The following NT5DC1 variants were observed in gnomAD, a reference collection of about 807,000 sequenced individuals.
The protein encoded by NT5DC1 is 5'-nucleotidase domain containing 1, also known as 5'-nucleotidase domain-containing protein 1.
Under a neutral mutation model 59.4 loss-of-function variants are expected in NT5DC1, and 42 were observed. The observed-to-expected ratio is 0.71, with a 90% CI of 0.55 to 0.92. The LOEUF (loss-of-function observed/expected upper bound fraction) is 0.92. NT5DC1 is among the 40% of genes least tolerant of loss of function. The probability of loss-of-function intolerance (pLI) is 0.00; values close to 1 mark genes in which losing one functional copy is unlikely to be tolerated. For synonymous variants in NT5DC1, 172 were observed against 188.1 expected (o/e 0.91, Z 0.70); for missense variants, 501 against 537.1 (o/e 0.93, Z 0.66).
chr6:116,110,372 T>G (rs1434250724), intron 3 of NT5DC1, among the ~76,000 whole-genome samples: 2 of 152,184 alleles, frequency 1.3e-5, no homozygotes, highest in African/African-American at 4.8e-5. Context: ...CATCTTGTCT[T>G]CACAGTCCTG....
chr6:116,168,948 A>G (rs1780543798), intron 6 of NT5DC1, among the ~76,000 whole-genome samples: 1 of 152,180 alleles, frequency 6.6e-6, no homozygotes, highest in African/African-American at 2.4e-5. Flanking sequence ...TTCTTTCTGT[A>G]GTATAGCCTT....
intron 11 of NT5DC1, among the ~76,000 whole-genome samples, chr6:116,242,744 C>T (rs781027051): frequency 7.2e-5 from 11 of 152,128 alleles, no homozygotes; most frequent in African/African-American, 1.7e-4. Context: ...ATATGCTTTC[C>T]GCTTGGATTC....
chr6:116,168,934 G>A (rs575238128), intron 6 of NT5DC1, among the ~76,000 whole-genome samples: 10 of 152,252 alleles, frequency 6.6e-5, no homozygotes, highest in East Asian at 3.9e-4. Context: ...TATCTGGTTC[G>A]TACTTCTTTC....
In NT5DC1 at chr6:116,150,804, T is replaced by C. The variant is rs376886606; in HGVS notation, c.529+32859T>C. ...TGAAGGTAAGGAAGCTGGAGAACCT[T>C]GGAGTCTTATATATCTAGTGAATAT... On this transcript the variant is annotated intron_variant, in intron 6 of 11. Transcript: ENST00000319550. Among the ~76,000 whole-genome samples the C allele has an allele frequency of 1.6e-4, 25 of 152,314 alleles. 1 individual carries two copies. In the South Asian group the frequency reaches 5.0e-3, roughly 30 times the overall value.
At chr6:116,150,970 T>C (rs1780023080) in intron 6 of NT5DC1, among the ~76,000 whole-genome samples, 1 of 152,244 alleles carries the variant, frequency 6.6e-6, no homozygotes, top group Non-Finnish European at 1.5e-5. Context: ...GTATATTTTA[T>C]GATTTTTTGA....
intron 6 of NT5DC1, among the ~76,000 whole-genome samples, chr6:116,206,005 G>A (rs896917509): frequency 2.2e-4 from 34 of 152,048 alleles, no homozygotes; most frequent in African/African-American, 7.9e-4. Context: ...TGATCTAATA[G>A]ACCATTGGAC....
At chr6:116,119,918 CA>C (rs1041404771) in intron 6 of NT5DC1, 1 of 726,532 alleles carries the variant, frequency 1.4e-6, no homozygotes, top group East Asian at 2.5e-5. Context: ...GCTCACTTTT[CA>C]GGGGGAAGGT....
intron 1 of NT5DC1, among the ~76,000 whole-genome samples, chr6:116,103,927 C>A (rs1052482061): frequency 3.3e-5 from 5 of 152,156 alleles, no homozygotes; most frequent in Non-Finnish European, 5.9e-5. Context: ...TTGAAAGTCA[C>A]ATTTACCTAG....
At chr6:116,104,507 A>G (rs1339445815) in intron 1 of NT5DC1, among the ~76,000 whole-genome samples, 1 of 152,230 alleles carries the variant, frequency 6.6e-6, no homozygotes, top group Non-Finnish European at 1.5e-5. Context: ...ATTGTTAACT[A>G]TTCAGGAATT....
At chr6:116,151,928 T>G (rs2114399125) in intron 6 of NT5DC1, among the ~76,000 whole-genome samples, 2 of 152,356 alleles carry the variant, frequency 1.3e-5, no homozygotes, top group South Asian at 4.1e-4. Context: ...TGAAGTTTTA[T>G]AAGAACATGT....
chr6:116,221,937 A>G (rs888226570), intron 7 of NT5DC1, among the ~76,000 whole-genome samples: 1 of 152,202 alleles, frequency 6.6e-6, no homozygotes, highest in Non-Finnish European at 1.5e-5. Context: ...GGAAATGTCT[A>G]TGGTCAAAGC....
intron 6 of NT5DC1, among the ~76,000 whole-genome samples, chr6:116,217,711 C>A: frequency 6.6e-6 from 1 of 152,004 alleles, no homozygotes; most frequent in East Asian, 1.9e-4. Flanking sequence ...TGTGTCTGCT[C>A]CTGCACTAAT....
At chr6:116,115,091 A>G (rs1778940691) in intron 4 of NT5DC1, among the ~76,000 whole-genome samples, 1 of 152,374 alleles carries the variant, frequency 6.6e-6, no homozygotes. Context: ...CCCTAAAGTC[A>G]TACAGAATAA....
At chr6:116,119,933 TTGGTC>T in intron 6 of NT5DC1, 2 of 809,158 alleles carry the variant, frequency 2.5e-6, no homozygotes, top group Non-Finnish European at 4.1e-6. Flanking sequence ...GGAAGGTTTG[TTGGTC>T]TGATAGCTCA....
In NT5DC1 at chr6:116,220,556, C is replaced by G. The variant is rs192887218; in HGVS notation, c.530-498C>G. Among the ~76,000 whole-genome samples the G allele has an allele frequency of 2.6e-3, 395 of 152,278 alleles. 2 individuals are homozygous for G. Among genetic ancestry groups the G allele is most frequent in the African/African-American group, 9.1e-3 (377 of 41,548 alleles). On this transcript the variant is annotated intron_variant, in intron 6 of 11. Coordinates refer to ENST00000319550, the MANE Select transcript of NT5DC1 (RefSeq NM_152729.3). ...TCTCAGAGGCTATAGAATGGCTCCC[C>G]TAGTATAGATTCCATCTGAAATAGC...
intron 6 of NT5DC1, among the ~76,000 whole-genome samples, chr6:116,216,667 T>C (rs147562882): frequency 6.6e-6 from 1 of 152,072 alleles, no homozygotes; most frequent in African/African-American, 2.4e-5. Context: ...ATATTAGATA[T>C]AAACCATATA....
At position 116,197,370 on chromosome 6, in the gene NT5DC1, A is replaced by G. The variant is rs533145098; in HGVS notation, c.530-23684A>G. On this transcript the variant is annotated intron_variant, in intron 6 of 11. Coordinates refer to ENST00000319550, the MANE Select transcript of NT5DC1 (RefSeq NM_152729.3). ...CACAAAAAGTCCTTGATTCTCTGCT[A>G]GGTCTCTGATTATCATCTTGTCTGA... 7.0e-4 allele frequency among the ~76,000 whole-genome samples: 107 copies of G among 152,126 alleles called. 1 individual carries two copies. The highest frequency in any genetic ancestry group is 3.4e-3 in the Middle Eastern group (1 of 294).
chr6:116,119,920 G>A, intron 6 of NT5DC1: 1 of 735,014 alleles, frequency 1.4e-6, no homozygotes, highest in Non-Finnish European at 2.3e-6. Flanking sequence ...TCACTTTTCA[G>A]GGGGAAGGTT....
chr6:116,223,450 G>A (rs184404769), intron 8 of NT5DC1, among the ~76,000 whole-genome samples: 8 of 152,164 alleles, frequency 5.3e-5, no homozygotes, highest in Admixed American at 1.3e-4. Flanking sequence ...GAACAAAAGC[G>A]CCTGTGGAAC....
Sources: allele counts gnomAD v4.1 joint callset (sites outside exome capture counted in the v4.1 genomes callset), GRCh38; gene constraint gnomAD v4.1.1; transcripts MANE v1.5; gene names NCBI Gene and HGNC (gene_info 2026-07-23, HGNC 2026-07-21).